Variants in NUP58 observed in about 807,000 individuals in gnomAD.
NUP58 encodes nucleoporin 58.
NUP58 carries 17 observed loss-of-function variants against 70.1 expected under a neutral mutation model. The observed-to-expected ratio is 0.24, with a 90% confidence interval of 0.17 to 0.36. The LOEUF (loss-of-function observed/expected upper bound fraction) is 0.36, where lower values mean the gene tolerates loss of function less well. Among genes scored for constraint, NUP58 ranks in the 10% least tolerant of loss-of-function variants. The pLI, the probability that NUP58 is intolerant of heterozygous loss-of-function variation, is 1.00. For synonymous variants in NUP58, 275 were observed against 257.6 expected, an observed-to-expected ratio of 1.07 and a Z score of -0.65; for missense variants, 644 against 701.5, an observed-to-expected ratio of 0.92 and a Z score of 0.93.
intron 1 of NUP58, among the ~76,000 whole-genome samples, chr13:25,305,230 A>G (rs930368141): frequency 4.4e-5 from 6 of 136,648 alleles, no homozygotes; most frequent in African/African-American, 1.7e-4. Context: ...TACAACCTCC[A>G]CCTCCTGGGC....
At position 25,327,034 on chromosome 13, in the gene NUP58, G is replaced by A; in HGVS notation, c.1150G>A (p.Asp384Asn). Residue 384 changes from aspartate to asparagine, a missense_variant and splice_region_variant, in exon 11 of 16, where the codon GAT becomes AAT. By Grantham distance (23) the Asp-to-Asn change is conservative. Around this residue, in one of 4 missense-constraint regions of NUP58, gnomAD observed 78 missense variants for 71.3 expected, o/e 1.09. Coordinates refer to ENST00000381736, the MANE Select transcript of NUP58 (RefSeq NM_014089.4). ...AAATAATTCACATATAACCCCTCAA[G>A]GTAACATGCTTACTGTGGTAATTTT... is the stretch of plus-strand genomic sequence containing the variant. ...QANNSHITPQ[D>N]LSMAMQKIYQ... The A allele has an allele frequency of 1.3e-6, 2 of 1,527,378 alleles. No homozygotes were observed. The highest frequency in any genetic ancestry group is 1.2e-5 in the South Asian group (1 of 85,128). 94.6% of individuals were successfully genotyped at this position (1,527,378 alleles called of 1,614,324 possible). A position where few individuals can be genotyped will look rare whatever the true frequency, so the allele number is the denominator to read the frequency against.
chr13:25,335,344 T>C lies in NUP58; in HGVS notation c.1436-1592T>C, dbSNP rs2031743856. 3.0e-6 allele frequency: 3 copies of C among 985,296 alleles called. No individual in the cohort carries two copies. The South Asian group carries it at 1.4e-4, about 46-fold the overall frequency. The allele number at this position is 985,296 out of a possible 1,614,324, so 61.0% of individuals were successfully genotyped here. A position where few individuals can be genotyped will look rare whatever the true frequency, so the allele number is the denominator to read the frequency against. ...GAGTAACTCTTACGACTTACAAGGCTGAGGGCTGTGGTGTGCATTATTCTT... is the reference window on the plus strand; with the variant it reads ...GAGTAACTCTTACGACTTACAAGGCCGAGGGCTGTGGTGTGCATTATTCTT... On this transcript the variant is annotated intron_variant, in intron 13 of 15. Coordinates refer to ENST00000381736, the MANE Select transcript of NUP58 (RefSeq NM_014089.4).
chr13:25,316,180 C>T (rs2030920747), intron 6 of NUP58, among the ~76,000 whole-genome samples: 1 of 152,012 alleles, frequency 6.6e-6, no homozygotes, highest in Non-Finnish European at 1.5e-5. Context: ...ACCAGTTTAC[C>T]CCCTAACCAG....
intron 12 of NUP58, 45 bp downstream of exon 12, chr13:25,327,557 A>G (rs530148458): frequency 7.2e-6 from 9 of 1,254,760 alleles, no homozygotes; most frequent in East Asian, 7.2e-5. Flanking sequence ...TGTAGACCCA[A>G]GTATTTGTTC....
chr13:25,324,818 G>T (rs1413262100), intron 9 of NUP58, among the ~76,000 whole-genome samples, 171 bp from the exon 10 acceptor site: 1 of 152,084 alleles, frequency 6.6e-6, no homozygotes, highest in Non-Finnish European at 1.5e-5. Context: ...CTCTTGAAAG[G>T]TTTTAGCAAC....
chr13:25,302,234 G>A (rs1281295224), intron 1 of NUP58, among the ~76,000 whole-genome samples: 1 of 152,238 alleles, frequency 6.6e-6, no homozygotes, highest in Non-Finnish European at 1.5e-5. Flanking sequence ...AACATTGAAT[G>A]AATGAATGAA....
At chr13:25,344,381 T>C (rs1485782804), downstream of NUP58, among the ~76,000 whole-genome samples, 1 of 152,218 alleles carries the variant, frequency 6.6e-6, no homozygotes, top group Non-Finnish European at 1.5e-5. Context: ...ACTAATAATA[T>C]AATCTAAAGC....
chr13:25,308,374 C>T (rs1309723055), intron 2 of NUP58, among the ~76,000 whole-genome samples: 2 of 151,912 alleles, frequency 1.3e-5, no homozygotes, highest in African/African-American at 2.4e-5. Flanking sequence ...GATCATGGCT[C>T]ACTGTAGCCT....
intron 4 of NUP58, 70 bp downstream of exon 4, chr13:25,313,102 T>C: frequency 1.3e-6 from 2 of 1,496,700 alleles, no homozygotes; most frequent in Non-Finnish European, 1.8e-6. Flanking sequence ...AGAACATAGA[T>C]AGTCACCTTA....
intron 13 of NUP58, chr13:25,331,795 T>C (rs2031615313): frequency 3.7e-6 from 5 of 1,343,736 alleles, no homozygotes; most frequent in African/African-American, 1.5e-5. Context: ...CTTAATGTTA[T>C]TTGCTGTAAT....
intron 13 of NUP58, chr13:25,336,376 A>G (rs753914574): frequency 6.3e-5 from 48 of 762,412 alleles, no homozygotes; most frequent in African/African-American, 9.4e-5. Flanking sequence ...CTTATTGTAT[A>G]TATCATTTAT....
chr13:25,345,144 T>G (rs1787484805), downstream of NUP58, among the ~76,000 whole-genome samples: 1 of 152,206 alleles, frequency 6.6e-6, no homozygotes, highest in Non-Finnish European at 1.5e-5. Flanking sequence ...AATATTACTG[T>G]GTAAAGCAGA....
intron 13 of NUP58, chr13:25,332,267 T>G: frequency 1.0e-6 from 1 of 985,508 alleles, no homozygotes; most frequent in Non-Finnish European, 1.2e-6. Flanking sequence ...ATTGTTTTAT[T>G]TCTTGGTTTA....
At position 25,301,812 on chromosome 13, in the gene NUP58, C is replaced by T. The variant is rs758782339; in HGVS notation, c.39C>T (p.Gly13=). The T allele has an allele frequency of 5.6e-5, 90 of 1,613,550 alleles. No individual in the cohort carries two copies. Among genetic ancestry groups the T allele is most frequent in the Non-Finnish European group, 7.5e-5 (88 of 1,179,876 alleles). Residue 13 remains glycine (G), a synonymous_variant, in exon 1 of 16, where the codon GGC becomes GGT. Coordinates refer to ENST00000381736, the MANE Select transcript of NUP58 (RefSeq NM_014089.4). ...TCTCCTTCGGGTCCGGGACTCTGGGCTCCACCACCGTGGCCGCCGGCGGGA... is the reference window on the plus strand; with the variant it reads ...TCTCCTTCGGGTCCGGGACTCTGGGTTCCACCACCGTGGCCGCCGGCGGGA... ...TGFSFGSGTL[G]STTVAAGGTS...
chr13:25,326,886 TTGATC>T (rs2031415281), intron 10 of NUP58, 25 bp from the exon 11 acceptor site: 1 of 1,282,402 alleles, frequency 7.8e-7, no homozygotes, highest in African/African-American at 1.5e-5. Context: ...AAAAAAATAT[TTGATC>T]TGACTTTTTA....
chr13:25,346,202 T>G (rs1186873839), downstream of NUP58, among the ~76,000 whole-genome samples: 3 of 152,226 alleles, frequency 2.0e-5, no homozygotes, highest in African/African-American at 7.2e-5. Flanking sequence ...GATCTACTCT[T>G]ATGAGCTGCC....
intron 3 of NUP58, chr13:25,310,006 G>A: frequency 5.0e-6 from 2 of 397,872 alleles, no homozygotes; most frequent in Non-Finnish European, 1.0e-5. Context: ...TGGATCAGCT[G>A]CAAACACAAG....
intron 12 of NUP58, among the ~76,000 whole-genome samples, chr13:25,329,528 C>T (rs1235109662): frequency 6.6e-6 from 1 of 152,106 alleles, no homozygotes; most frequent in East Asian, 1.9e-4. Context: ...CTTTAAGCAA[C>T]CCAGGAACGA....
At chr13:25,333,191 A>T (rs549666063) in intron 13 of NUP58, 37 of 985,154 alleles carry the variant, frequency 3.8e-5, no homozygotes, top group Admixed American at 6.2e-5. Flanking sequence ...ATAGGTTTTC[A>T]CTTATACATT....
Sources: gnomAD v4.1 joint callset for allele counts (sites outside exome capture counted in the v4.1 genomes callset) on GRCh38, gnomAD v4.1.1 for gene constraint, gnomAD v4.1.1 regional missense constraint, MANE v1.5 for transcripts, NCBI Gene and HGNC (gene_info 2026-07-23, HGNC 2026-07-21) for gene names.